PKHD1: variants seen among roughly 807,000 people sequenced by gnomAD.
PKHD1 encodes fibrocystin.
A neutral mutation model predicts 412.0 loss-of-function variants in PKHD1; 291 were observed. That is an observed-to-expected ratio of 0.71 (90% confidence interval 0.64 to 0.78). PKHD1 has a LOEUF of 0.78. Ranked by LOEUF, PKHD1 falls within the 30% of genes least tolerant of loss-of-function variation. The pLI, the probability that PKHD1 is intolerant of heterozygous loss-of-function variation, is 0.00. For synonymous variants in PKHD1, 1,777 were observed against 1,821.5 expected (o/e 0.98, Z 0.62); for missense variants, 4,825 against 4,950.7 (o/e 0.97, Z 0.76).
At position 51,632,656 on chromosome 6, in the gene PKHD1, G is replaced by T; in HGVS notation, c.11574C>A (p.Thr3858=). 1 of 1,613,280 alleles carries T rather than the reference G, an allele frequency of 6.2e-7. No homozygotes were observed. The highest frequency in any genetic ancestry group is 8.5e-7 in the Non-Finnish European group (1 of 1,179,398). The part of the protein sequence containing the change: ...VLPVTRKEKS[T]IILAASLSSV... ...AGGACAGGGAAGCAGCCAGGATGAT[G>T]GTCGACTTCTCCTTCCTAGTCACAG... Residue 3858 remains threonine, a synonymous_variant, in exon 65 of 67, where the codon ACC becomes ACA. Transcript: ENST00000371117.
chr6:52,058,749 G>C (rs995117772), intron 15 of PKHD1, 148 bp from the exon 16 acceptor site: 2 of 713,462 alleles, frequency 2.8e-6, no homozygotes, highest in Non-Finnish European at 4.8e-6. Flanking sequence ...TCAGCCCTGT[G>C]GTTATTTATG....
At chr6:51,826,515 G>T (rs114411116) in intron 52 of PKHD1, among the ~76,000 whole-genome samples, 139 of 152,250 alleles carry the variant, frequency 9.1e-4, no homozygotes, top group African/African-American at 3.1e-3. Context: ...AAGCTAGAGG[G>T]ATCTTTTGCC....
chr6:51,667,622 T>C (rs1318757411), intron 60 of PKHD1, among the ~76,000 whole-genome samples: 1 of 151,902 alleles, frequency 6.6e-6, no homozygotes, highest in Non-Finnish European at 1.5e-5. Flanking sequence ...TCCTTGCCCA[T>C]GCCTATGTCC....
rs1050450962 is a variant in PKHD1 at position 52,045,098 on chromosome 6, T to C, written c.2593-10A>G. The C allele has an allele frequency of 2.5e-6, 4 of 1,612,454 alleles. No homozygotes were observed. The Admixed American group carries it at 6.7e-5, about 27-fold the overall frequency. ...GGTTTTCATCAGAGACCTGAGATGGTTACATTTCTGGTAAATTCTGTCATG... is the reference window on the plus strand; with the variant it reads ...GGTTTTCATCAGAGACCTGAGATGGCTACATTTCTGGTAAATTCTGTCATG... On this transcript the variant is annotated splice_polypyrimidine_tract_variant and intron_variant, in intron 24 of 66. Transcript: ENST00000371117.
chr6:51,984,035 G>A (rs1795917200), intron 35 of PKHD1, among the ~76,000 whole-genome samples: 1 of 152,188 alleles, frequency 6.6e-6, no homozygotes, highest in Non-Finnish European at 1.5e-5. Flanking sequence ...TTGCTCTACA[G>A]CAACCTGGAT....
intron 43 of PKHD1, among the ~76,000 whole-genome samples, chr6:51,900,073 G>A (rs553165185): frequency 9.2e-5 from 14 of 152,228 alleles, no homozygotes; most frequent in South Asian, 2.1e-4. Context: ...AATCAATATC[G>A]TGAAAATGGC....
At chr6:52,022,493 C>T (rs891557069) in intron 33 of PKHD1, among the ~76,000 whole-genome samples, 4 of 152,260 alleles carry the variant, frequency 2.6e-5, no homozygotes, top group Non-Finnish European at 2.9e-5. Flanking sequence ...GTCATTGAAA[C>T]TAATATTCAG....
At chr6:51,756,894 C>T (rs1582492704) in intron 55 of PKHD1, among the ~76,000 whole-genome samples, 2 of 152,234 alleles carry the variant, frequency 1.3e-5, no homozygotes, top group East Asian at 3.9e-4. Flanking sequence ...ACAATTTTTC[C>T]ACAGGGGAGG....
At position 52,058,384 on chromosome 6, in the gene PKHD1, G is replaced by T. The variant is rs774009870; in HGVS notation, c.1451C>A (p.Thr484Asn). Residue 484 changes from threonine to asparagine, a missense_variant, in exon 16 of 67, where the codon ACC becomes AAC. Coordinates refer to ENST00000371117, the MANE Select transcript of PKHD1 (RefSeq NM_138694.4). The stretch of plus-strand genomic sequence containing the variant: ...CTGGTGCTTCTCCCGTAGGTAAGTG[G>T]TGACCACATCAGGATTCAGCCAGGT... ...HNTWLNPDVV[T>N]TYLREKHQIR... is the part of the protein sequence containing the mutation. 2 of 1,614,018 alleles carry T rather than the reference G, an allele frequency of 1.2e-6. No individual in the cohort carries two copies. The highest frequency in any genetic ancestry group is 1.3e-5 in the African/African-American group (1 of 74,902).
intron 43 of PKHD1, among the ~76,000 whole-genome samples, chr6:51,897,152 A>T (rs1275748031): frequency 2.6e-5 from 4 of 152,190 alleles, no homozygotes; most frequent in Non-Finnish European, 5.9e-5. Context: ...AGATTCAGGA[A>T]ATAGAGAGAA....
At chr6:51,685,462 G>C (rs972660934) in intron 60 of PKHD1, among the ~76,000 whole-genome samples, 1 of 151,932 alleles carries the variant, frequency 6.6e-6, no homozygotes, top group African/African-American at 2.4e-5. Flanking sequence ...ATTTCTTTGA[G>C]AGCATACTTG....
At chr6:51,901,759 C>A (rs1439568574) in intron 43 of PKHD1, among the ~76,000 whole-genome samples, 2 of 150,968 alleles carry the variant, frequency 1.3e-5, no homozygotes, top group African/African-American at 4.9e-5. Context: ...AATGAATCTA[C>A]ATTACCAGTT....
At chr6:51,937,889 G>A (rs1269052) in intron 36 of PKHD1, among the ~76,000 whole-genome samples, 107,065 of 152,128 alleles carry the variant, frequency 0.7, 38,177 homozygotes, top group East Asian at 0.94. Flanking sequence ...CATTATTGCT[G>A]TGAAACCATC....
At chr6:51,838,884 TAGAA>T (rs1204105958) in intron 50 of PKHD1, among the ~76,000 whole-genome samples, 1 of 152,218 alleles carries the variant, frequency 6.6e-6, no homozygotes, top group Non-Finnish European at 1.5e-5. Context: ...ATATGGCTAT[TAGAA>T]AGAAAAGATA....
chr6:51,799,566 A>T (rs1342756338), intron 52 of PKHD1, among the ~76,000 whole-genome samples: 3 of 152,216 alleles, frequency 2.0e-5, no homozygotes, highest in Non-Finnish European at 4.4e-5. Context: ...TGCTAAAATA[A>T]AATAAGCACA....
At chr6:51,685,719 TG>T (rs762198162) in intron 60 of PKHD1, among the ~76,000 whole-genome samples, 4 of 152,256 alleles carry the variant, frequency 2.6e-5, no homozygotes, top group Admixed American at 6.5e-5. Flanking sequence ...GCAACTTCTT[TG>T]TTTTAGTTGA....
chr6:51,793,041 C>A (rs1794006553), intron 52 of PKHD1, among the ~76,000 whole-genome samples: 1 of 152,130 alleles, frequency 6.6e-6, no homozygotes, highest in Non-Finnish European at 1.5e-5. Context: ...AGTGTTTTTG[C>A]AATACTGAAG....
At chr6:51,908,538 G>A (rs182265098) in intron 40 of PKHD1, among the ~76,000 whole-genome samples, 3 of 152,142 alleles carry the variant, frequency 2.0e-5, no homozygotes, top group Admixed American at 6.6e-5. Context: ...CCCATTCTGT[G>A]ATTCTCTGCA....
intron 58 of PKHD1, among the ~76,000 whole-genome samples, chr6:51,747,207 G>C (rs774607118): frequency 6.6e-5 from 10 of 152,156 alleles, no homozygotes; most frequent in Non-Finnish European, 1.2e-4. Context: ...TAAGTAACAG[G>C]GGAGAGACTA....
Sources: allele counts gnomAD v4.1 joint callset (sites outside exome capture counted in the v4.1 genomes callset), GRCh38; gene constraint gnomAD v4.1.1; transcripts MANE v1.5; gene names NCBI Gene and HGNC (gene_info 2026-07-23, HGNC 2026-07-21).